Variants in BST1 observed in about 807,000 individuals in gnomAD.
The protein encoded by BST1 is ADP-ribosyl cyclase/cyclic ADP-ribose hydrolase 2.
A neutral mutation model predicts 40.6 loss-of-function variants in BST1; 49 were observed. That is an observed-to-expected ratio of 1.21 (90% CI 0.96 to 1.53). The LOEUF (loss-of-function observed/expected upper bound fraction) is 1.53, where lower values mean the gene tolerates loss of function less well. Ranked by LOEUF, BST1 falls within the 40% of genes most tolerant of loss-of-function variation. BST1 has a pLI of 0.00. For missense variants in BST1, 423 were observed against 395.9 expected (o/e 1.07, Z -0.58); for synonymous variants, 157 against 159.3 (o/e 0.99, Z 0.11).
intron 8 of BST1, among the ~76,000 whole-genome samples, chr4:15,726,869 AT>A (rs58317518): frequency 0.15 from 19,704 of 129,478 alleles, 1,377 homozygotes; most frequent in East Asian, 0.31. Flanking sequence ...TTTCCTCGGT[AT>A]TTTTTTTTTT....
At chr4:15,766,370 A>G in the BST1 span, among the ~76,000 whole-genome samples, 7 of 152,014 alleles carry the variant, frequency 4.6e-5, no homozygotes, top group South Asian at 8.3e-4. Context: ...CAGATCTGTT[A>G]AGCTGCGGTC....
intron 4 of BST1, among the ~76,000 whole-genome samples, chr4:15,714,504 A>G (rs546592969): frequency 2.4e-4 from 36 of 152,340 alleles, no homozygotes; most frequent in Middle Eastern, 3.4e-3. Context: ...ATGCTATTGC[A>G]AATACTTTGT....
At chr4:15,758,251 G>A in the BST1 span, among the ~76,000 whole-genome samples, 2 of 152,072 alleles carry the variant, frequency 1.3e-5, no homozygotes, top group Non-Finnish European at 2.9e-5. Flanking sequence ...CCCAGGTAGT[G>A]AGCATAGTAC....
At chr4:15,739,653 C>T (rs1403450536), downstream of BST1, among the ~76,000 whole-genome samples, 1 of 151,690 alleles carries the variant, frequency 6.6e-6, no homozygotes, top group East Asian at 1.9e-4. Flanking sequence ...GCTGCACCTT[C>T]ATGACTTTGC....
the BST1 span, among the ~76,000 whole-genome samples, chr4:15,755,627 A>C: frequency 6.6e-6 from 1 of 152,218 alleles, no homozygotes; most frequent in African/African-American, 2.4e-5. Context: ...GAACAACTGC[A>C]TATTATTTAT....
chr4:15,771,320 A>G, the BST1 span, among the ~76,000 whole-genome samples: 1 of 152,232 alleles, frequency 6.6e-6, no homozygotes, highest in East Asian at 1.9e-4. Flanking sequence ...AAATCATACT[A>G]CAGCAACAGG....
chr4:15,713,333 G>A lies in BST1; in HGVS notation c.534+1444G>A, dbSNP rs1720323697. On this transcript the variant is annotated intron_variant, in intron 4 of 8. Coordinates refer to ENST00000265016, the MANE Select transcript of BST1 (RefSeq NM_004334.3). The stretch of plus-strand genomic sequence containing the variant: ...CCCGAGTAGCTGGGACTACAGGCGT[G>A]TGCCACCATGCCCAGCTAATTTTTG... Among the ~76,000 whole-genome samples the A allele has an allele frequency of 2.7e-5, 4 of 150,184 alleles. No homozygotes were observed. The Admixed American group carries it at 2.7e-4, about 10-fold the overall frequency.
At chr4:15,726,032 G>A (rs1158090230) in intron 8 of BST1, among the ~76,000 whole-genome samples, 1 of 141,802 alleles carries the variant, frequency 7.1e-6, no homozygotes, top group Non-Finnish European at 1.5e-5. Context: ...CACAATCACG[G>A]CTCACTGCAG....
chr4:15,710,853 G>C (rs1008240736), intron 3 of BST1, among the ~76,000 whole-genome samples: 1 of 151,690 alleles, frequency 6.6e-6, no homozygotes, highest in African/African-American at 2.4e-5. Flanking sequence ...GCAGTGGCAC[G>C]ATCTCAGCTC....
At chr4:15,739,737 C>T (rs1478218049), downstream of BST1, among the ~76,000 whole-genome samples, 1 of 152,118 alleles carries the variant, frequency 6.6e-6, no homozygotes, top group African/African-American at 2.4e-5. Context: ...CAGTGACAAG[C>T]TCTCAGGGGA....
At chr4:15,731,295 CA>C (rs1281354519) in intron 8 of BST1, 8 of 508,958 alleles carry the variant, frequency 1.6e-5, no homozygotes, top group Non-Finnish European at 2.1e-5. Context: ...ACTCTGAGGC[CA>C]AAAATGCATC....
downstream of BST1, among the ~76,000 whole-genome samples, chr4:15,735,169 C>T (rs1231258431): frequency 6.6e-6 from 1 of 152,138 alleles, no homozygotes; most frequent in Non-Finnish European, 1.5e-5. Context: ...CTGGCAGACT[C>T]TAAGACATAC....
intron 8 of BST1, among the ~76,000 whole-genome samples, chr4:15,728,687 G>A (rs781740013): frequency 8.3e-5 from 12 of 145,362 alleles, no homozygotes; most frequent in Non-Finnish European, 1.6e-4. Context: ...CTGTCACCCA[G>A]GCTAGAGTTC....
At chr4:15,762,835 A>G in the BST1 span, among the ~76,000 whole-genome samples, 118 of 152,212 alleles carry the variant, frequency 7.8e-4, 1 homozygote, top group Non-Finnish European at 1.4e-3. Context: ...TTCACTTAGC[A>G]TAATGTCCTC....
intron 4 of BST1, among the ~76,000 whole-genome samples, chr4:15,714,774 A>G (rs1353488002): frequency 6.6e-6 from 1 of 152,182 alleles, no homozygotes; most frequent in East Asian, 1.9e-4. Flanking sequence ...ACACTGGCCA[A>G]TCAGTTGCGA....
intron 6 of BST1, 61 bp downstream of exon 6, chr4:15,715,860 T>C (rs1334714841): frequency 1.6e-6 from 2 of 1,250,106 alleles, no homozygotes; most frequent in African/African-American, 3.1e-5. Flanking sequence ...GTATATAATA[T>C]GATAAAGTTC....
At chr4:15,727,533 C>T (rs1332171607) in intron 8 of BST1, among the ~76,000 whole-genome samples, 1 of 152,134 alleles carries the variant, frequency 6.6e-6, no homozygotes, top group East Asian at 1.9e-4. Flanking sequence ...TATTTAATCA[C>T]TCTAATAATA....
At chr4:15,709,151 G>A (rs780606867) in intron 3 of BST1, among the ~76,000 whole-genome samples, 1 of 152,178 alleles carries the variant, frequency 6.6e-6, no homozygotes, top group Non-Finnish European at 1.5e-5. Context: ...GGACAAAAAA[G>A]ATTGAGGGTG....
intron 4 of BST1, 51 bp downstream of exon 4, chr4:15,711,940 G>A: frequency 1.3e-6 from 2 of 1,509,000 alleles, no homozygotes; most frequent in Non-Finnish European, 1.8e-6. Context: ...GACCCATAGA[G>A]ATGGAACATA....
Sources: allele counts gnomAD v4.1 joint callset (sites outside exome capture counted in the v4.1 genomes callset), GRCh38; gene constraint gnomAD v4.1.1; transcripts MANE v1.5; gene names NCBI Gene and HGNC (gene_info 2026-07-23, HGNC 2026-07-21).